Variants in ITPR1 observed in about 807,000 individuals in gnomAD.
ITPR1 encodes the protein inositol 1,4,5-trisphosphate-gated calcium channel ITPR1.
In ITPR1, 96 loss-of-function variants were observed where a neutral mutation model predicts 318.4. The observed-to-expected ratio is 0.30, with a 90% CI of 0.26 to 0.36. The LOEUF (loss-of-function observed/expected upper bound fraction) is 0.36, where lower values mean the gene tolerates loss of function less well. ITPR1 is among the 10% of genes least tolerant of loss of function. ITPR1 has a pLI of 1.00. For synonymous variants in ITPR1, 1,312 were observed against 1,289.9 expected, an observed-to-expected ratio of 1.02 and a Z score of -0.37; for missense variants, 2,440 against 3,460.2, an observed-to-expected ratio of 0.71 and a Z score of 7.40.
chr3:4,771,602 G>T (rs143328318), intron 46 of ITPR1, among the ~76,000 whole-genome samples: 1 of 152,118 alleles, frequency 6.6e-6, no homozygotes, highest in Non-Finnish European at 1.5e-5. Context: ...AGAATTCTCC[G>T]TTGAATCAAT....
At chr3:4,802,343 A>C (rs769642984) in intron 54 of ITPR1, among the ~76,000 whole-genome samples, 1 of 152,200 alleles carries the variant, frequency 6.6e-6, no homozygotes, top group African/African-American at 2.4e-5. Context: ...TTGAGCCAAG[A>C]AATGGTCCAT....
chr3:4,674,077 A>G, intron 21 of ITPR1, 125 bp from the exon 22 acceptor site: 1 of 702,006 alleles, frequency 1.4e-6, no homozygotes, highest in Admixed American at 3.1e-5. Context: ...AGGAGGGAAA[A>G]AATAAAGTAG....
At chr3:4,588,069 AT>A (rs1391649086) in intron 4 of ITPR1, among the ~76,000 whole-genome samples, 10 of 152,202 alleles carry the variant, frequency 6.6e-5, no homozygotes, top group Non-Finnish European at 1.5e-4. Context: ...CCTCAAAGAC[AT>A]TTGGTTCAAT....
intron 51 of ITPR1, among the ~76,000 whole-genome samples, chr3:4,786,972 C>T (rs1034514411): frequency 1.2e-4 from 18 of 152,120 alleles, no homozygotes; most frequent in Admixed American, 4.6e-4. Context: ...AGATTTATAC[C>T]ACTGCCTAGC....
rs575198508 is a variant in ITPR1, at chr3:4,719,766, C to G, written c.5136+2367C>G. 3.8e-4 allele frequency among the ~76,000 whole-genome samples: 57 copies of G among 150,630 alleles called. No individual in the cohort carries two copies. In the South Asian group the frequency reaches 0.012, roughly 31 times the overall value. ...AGGTGTAGATTTCCTGCAAGAAAAGCGCATGGTATGGGGTCTTCCCCGCTG... is the reference window on the plus strand; with the variant it reads ...AGGTGTAGATTTCCTGCAAGAAAAGGGCATGGTATGGGGTCTTCCCCGCTG... On this transcript the variant is annotated intron_variant, in intron 40 of 61. Coordinates refer to ENST00000649015, the MANE Select transcript of ITPR1 (RefSeq NM_001378452.1).
Position 4,826,273 on chromosome 3 carries a change from T to C in ITPR1, c.8028+8031T>C, listed in dbSNP as rs2050070283. Among the ~76,000 whole-genome samples the C allele has an allele frequency of 6.6e-6, 1 of 152,234 alleles. No homozygotes were observed. On this transcript the variant is annotated intron_variant, in intron 60 of 61. Transcript: ENST00000649015. This position sits in a 1 kb window ranked among gnomAD's most constrained non-coding sequence, Gnocchi z 4.2. The stretch of plus-strand genomic sequence containing the variant: ...TTCCTAGAATATTGATATTTCAACA[T>C]TGGTAGTGCTGAGCAGCAGCTTTCC...
intron 4 of ITPR1, among the ~76,000 whole-genome samples, chr3:4,550,107 A>G (rs960798100): frequency 1.3e-5 from 2 of 150,774 alleles, no homozygotes; most frequent in African/African-American, 2.4e-5. Context: ...TTCCCCTGTC[A>G]TTATTAGCAA....
At chr3:4,620,093 A>G (rs1288394821) in intron 4 of ITPR1, among the ~76,000 whole-genome samples, 3 of 152,114 alleles carry the variant, frequency 2.0e-5, no homozygotes, top group Admixed American at 2.0e-4. Flanking sequence ...TCATACAAAA[A>G]TGGTCTGCAG....
intron 60 of ITPR1, among the ~76,000 whole-genome samples, chr3:4,828,534 G>T (rs188858580): frequency 8.4e-4 from 128 of 152,216 alleles, no homozygotes; most frequent in Non-Finnish European, 1.5e-3. Context: ...CCTCAGCCTG[G>T]CAGCCTAGGT....
intron 44 of ITPR1, among the ~76,000 whole-genome samples, chr3:4,755,276 C>T (rs1293553218): frequency 3.3e-5 from 5 of 151,214 alleles, no homozygotes; most frequent in South Asian, 4.2e-4. Flanking sequence ...AGGGGGACCA[C>T]GCTGCTTACC....
At chr3:4,605,659 A>G (rs2091651554) in intron 4 of ITPR1, among the ~76,000 whole-genome samples, 1 of 152,198 alleles carries the variant, frequency 6.6e-6, no homozygotes, top group South Asian at 2.1e-4. Context: ...AGGTTAGCAA[A>G]AGGTGACTCG....
At position 4,821,271 on chromosome 3, in the gene ITPR1, G is replaced by A. The variant is rs192322794; in HGVS notation, c.8028+3029G>A. Among the ~76,000 whole-genome samples, 215 of 152,336 alleles carry A rather than the reference G, an allele frequency of 1.4e-3. 11 individuals carry two copies. The South Asian group carries it at 0.037, about 26-fold the overall frequency. On this transcript the variant is annotated intron_variant, in intron 60 of 61. Coordinates refer to ENST00000649015, the MANE Select transcript of ITPR1 (RefSeq NM_001378452.1). ...CTCTTGCCTAACTGCAGAAGGCTGG[G>A]GATGTTGGATTACTCTGCAGCTCTC...
intron 54 of ITPR1, 33 bp from the exon 55 acceptor site, chr3:4,806,070 G>A (rs149740975): frequency 3.4e-5 from 54 of 1,591,406 alleles, no homozygotes; most frequent in Middle Eastern, 3.3e-4. Flanking sequence ...GGCACAGTCC[G>A]TGCCATCTGA....
At chr3:4,613,780 AT>A (rs1295351876) in intron 4 of ITPR1, among the ~76,000 whole-genome samples, 3 of 151,928 alleles carry the variant, frequency 2.0e-5, no homozygotes, top group Non-Finnish European at 4.4e-5. Context: ...TTTTATTTTT[AT>A]TTTTTATTGA....
At chr3:4,807,789 A>G (rs1203825035) in intron 55 of ITPR1, among the ~76,000 whole-genome samples, 1 of 152,206 alleles carries the variant, frequency 6.6e-6, no homozygotes, top group Non-Finnish European at 1.5e-5. Context: ...GTCACTTTGT[A>G]TCAGAAACCT....
chr3:4,612,108 C>G (rs2092158924), intron 4 of ITPR1, among the ~76,000 whole-genome samples: 2 of 148,034 alleles, frequency 1.4e-5, no homozygotes, highest in Non-Finnish European at 3.0e-5. Context: ...CTCTGTCACC[C>G]AGGCTGGAGT....
intron 2 of ITPR1, among the ~76,000 whole-genome samples, chr3:4,495,350 G>C (rs2080467379): frequency 6.6e-6 from 1 of 152,198 alleles, no homozygotes; most frequent in Non-Finnish European, 1.5e-5. Context: ...ATATTTAGCT[G>C]TTCCCTGGGC....
At chr3:4,566,604 G>GCACACACACACACACACACACACACACA (rs57756103) in intron 4 of ITPR1, among the ~76,000 whole-genome samples, 6 of 140,896 alleles carry the variant, frequency 4.3e-5, no homozygotes, top group African/African-American at 1.4e-4. Context: ...GGGGACACAT[G>GCACACACACACACACACACACACACACA]CACACACACA....
chr3:4,721,022 G>A (rs1046919715), intron 40 of ITPR1, among the ~76,000 whole-genome samples: 1 of 151,722 alleles, frequency 6.6e-6, no homozygotes, highest in African/African-American at 2.4e-5. Flanking sequence ...AATAAATGCA[G>A]TGGGGCTGTT....
Sources: allele counts gnomAD v4.1 joint callset (sites outside exome capture counted in the v4.1 genomes callset), GRCh38; gene constraint gnomAD v4.1.1; non-coding constraint Gnocchi (gnomAD v3.1); transcripts MANE v1.5; gene names NCBI Gene and HGNC (gene_info 2026-07-23, HGNC 2026-07-21).